Variants in NMNAT2 observed in about 807,000 individuals in gnomAD.
NMNAT2 encodes nicotinamide nucleotide adenylyltransferase 2, also known as nicotinamide/nicotinic acid mononucleotide adenylyltransferase 2.
A neutral mutation model predicts 41.6 loss-of-function variants in NMNAT2; 11 were observed. That is an observed-to-expected ratio of 0.26 (90% CI 0.17 to 0.44). NMNAT2 has a LOEUF of 0.44. Among genes scored for constraint, NMNAT2 ranks in the 20% least tolerant of loss-of-function variants. The probability of loss-of-function intolerance (pLI) is 1.00; values close to 1 mark genes in which losing one functional copy is unlikely to be tolerated. For missense variants in NMNAT2, 288 were observed against 407.7 expected, an observed-to-expected ratio of 0.71 and a Z score of 2.53; for synonymous variants, 148 against 151.2, an observed-to-expected ratio of 0.98 and a Z score of 0.16.
intron 1 of NMNAT2, among the ~76,000 whole-genome samples, chr1:183,358,239 A>G (rs1663237838): frequency 1.3e-5 from 2 of 152,156 alleles, no homozygotes; most frequent in African/African-American, 4.8e-5. Context: ...GGACACATAG[A>G]GGGGAACGAC....
chr1:183,260,196 C>G (rs1660622189), intron 10 of NMNAT2, among the ~76,000 whole-genome samples: 1 of 152,178 alleles, frequency 6.6e-6, no homozygotes, highest in Non-Finnish European at 1.5e-5. Flanking sequence ...TCTGGGTCAC[C>G]TTAAAGACAA....
chr1:183,312,924 T>C (rs1008731233), intron 1 of NMNAT2, among the ~76,000 whole-genome samples: 6 of 152,206 alleles, frequency 3.9e-5, no homozygotes, highest in African/African-American at 1.4e-4. Flanking sequence ...TATTAGCTAC[T>C]ATTATCTCCT....
chr1:183,403,964 T>C (rs1415104057), intron 1 of NMNAT2, among the ~76,000 whole-genome samples: 4 of 152,174 alleles, frequency 2.6e-5, no homozygotes, highest in African/African-American at 4.8e-5. Context: ...TTTTCTCCTT[T>C]TGTGAAGAAA....
At chr1:183,347,097 T>G (rs1168211864) in intron 1 of NMNAT2, among the ~76,000 whole-genome samples, 2 of 152,172 alleles carry the variant, frequency 1.3e-5, no homozygotes, top group Non-Finnish European at 2.9e-5. Context: ...CTTTCTTCTG[T>G]GAGTATTCCA....
intron 1 of NMNAT2, among the ~76,000 whole-genome samples, chr1:183,378,429 C>T (rs578041269): frequency 1.1e-3 from 167 of 151,084 alleles, no homozygotes; most frequent in African/African-American, 3.8e-3. Context: ...GTGGTGCACA[C>T]CTATAATCCC....
intron 4 of NMNAT2, among the ~76,000 whole-genome samples, chr1:183,288,215 A>C (rs995603946): frequency 2.0e-5 from 3 of 152,180 alleles, no homozygotes; most frequent in Non-Finnish European, 2.9e-5. Flanking sequence ...GGCTGGCTGC[A>C]TTCCCCGATC....
intron 1 of NMNAT2, among the ~76,000 whole-genome samples, chr1:183,401,546 C>T (rs913402739): frequency 2.0e-5 from 3 of 152,126 alleles, no homozygotes; most frequent in African/African-American, 7.2e-5. Flanking sequence ...ACCATTTGAC[C>T]CAGCCATCCC....
chr1:183,263,528 A>G (rs974697029), intron 8 of NMNAT2, among the ~76,000 whole-genome samples: 1 of 152,196 alleles, frequency 6.6e-6, no homozygotes, highest in African/African-American at 2.4e-5. Flanking sequence ...CAATTAAACC[A>G]GAATCTCGGG....
At chr1:183,341,454 G>T (rs1456106066) in intron 1 of NMNAT2, among the ~76,000 whole-genome samples, 3 of 148,304 alleles carry the variant, frequency 2.0e-5, no homozygotes, top group African/African-American at 7.5e-5. Context: ...AAGGCAGGTG[G>T]ATCGCTTGAG....
In NMNAT2 at chr1:183,290,129, T is replaced by G; in HGVS notation, c.320A>C (p.Lys107Thr). 2 of 1,574,240 alleles carry G rather than the reference T, an allele frequency of 1.3e-6. No individual in the cohort carries two copies. The highest frequency in any genetic ancestry group is 2.3e-5 in the East Asian group (1 of 43,042). The change falls in exon 4 of 11, where the codon AAG becomes ACG. Residue 107 changes from lysine (K) to threonine (T), a missense_variant and splice_region_variant. Lys to Thr is a moderately conservative substitution (Grantham distance 78). Around this residue, in one of 3 missense-constraint regions of NMNAT2, gnomAD observed 100 missense variants for 168.5 expected, o/e 0.59. Coordinates refer to ENST00000287713, the MANE Select transcript of NMNAT2 (RefSeq NM_015039.4). ...SVLEHHRDLM[K>T]RVTGCILSNV... ...ATCCCCAGGCTTGGCCCAGCTCACC[T>G]TCATGAGGTCCCGGTGGTGTTCCAA...
In NMNAT2 at chr1:183,389,845, GAAAAAAGAGAAAGAAAGAAAGAAAGA is replaced by G. The variant is rs1557897827; in HGVS notation, c.85+28312_85+28337del. ...GAAAGAAAGAAAGAAAGAAAGAAAG[GAAAAAAGAGAAAGAAAGAAAGAAAGA>G]AGGGAGGGAGGGAGGGAGGGAGGGA... On this transcript the variant is annotated intron_variant, in intron 1 of 10. Transcript: ENST00000287713. Among the ~76,000 whole-genome samples the G allele has an allele frequency of 3.5e-3, 152 of 43,916 alleles. 16 individuals are homozygous for G. The highest frequency in any genetic ancestry group is 9.9e-3 in the East Asian group (6 of 604). 28.8% of individuals were successfully genotyped at this position (43,916 alleles called of 152,430 possible).
chr1:183,371,057 C>G (rs1363751810), intron 1 of NMNAT2, among the ~76,000 whole-genome samples: 1 of 152,078 alleles, frequency 6.6e-6, no homozygotes, highest in Non-Finnish European at 1.5e-5. Flanking sequence ...GAATGGATTC[C>G]CCCACACCTC....
chr1:183,409,895 G>A (rs77014562), intron 1 of NMNAT2, among the ~76,000 whole-genome samples: 4 of 152,102 alleles, frequency 2.6e-5, no homozygotes, highest in Admixed American at 1.3e-4. Context: ...CTATCAGGGG[G>A]GTGAATTTTT....
Position 183,399,226 on chromosome 1 carries a change from G to A in NMNAT2, c.85+18957C>T, listed in dbSNP as rs373087489. On this transcript the variant is annotated intron_variant, in intron 1 of 10. Transcript: ENST00000287713. ...CAGACGCAATAAAAAATGATAAAGG[G>A]GATATCACCACCAATCCCACGGAAA... Among the ~76,000 whole-genome samples, 6 of 131,200 alleles carry A rather than the reference G, an allele frequency of 4.6e-5. No individual in the cohort carries two copies. The East Asian group carries it at 7.9e-4, about 17-fold the overall frequency. The allele number at this position is 131,200 out of a possible 152,430, so 86.1% of individuals were successfully genotyped here. A position where few individuals can be genotyped will look rare whatever the true frequency, so the allele number is the denominator to read the frequency against.
At chr1:183,362,924 C>T (rs1663335213) in intron 1 of NMNAT2, among the ~76,000 whole-genome samples, 3 of 152,150 alleles carry the variant, frequency 2.0e-5, no homozygotes, top group Admixed American at 6.5e-5. Flanking sequence ...TGTTGATACT[C>T]ATACAATTTC....
intron 1 of NMNAT2, among the ~76,000 whole-genome samples, chr1:183,306,174 AC>A (rs11367452): frequency 0.5 from 75,157 of 151,702 alleles, 18,523 homozygotes; most frequent in South Asian, 0.58. Flanking sequence ...GTCCTGGGAG[AC>A]CTTAGTCCCC....
intron 1 of NMNAT2, among the ~76,000 whole-genome samples, chr1:183,315,716 G>T (rs1662232476): frequency 1.3e-5 from 2 of 151,314 alleles, no homozygotes; most frequent in African/African-American, 4.9e-5. Context: ...GGGAGGCCGA[G>T]GTTGCAGTGA....
chr1:183,409,652 G>C (rs529767875), intron 1 of NMNAT2, among the ~76,000 whole-genome samples: 30 of 152,274 alleles, frequency 2.0e-4, no homozygotes, highest in African/African-American at 7.2e-4. Flanking sequence ...AATAGGTCTT[G>C]ATCAAGACCT....
At chr1:183,259,891 G>A (rs896593672) in intron 10 of NMNAT2, among the ~76,000 whole-genome samples, 1 of 152,230 alleles carries the variant, frequency 6.6e-6, no homozygotes, top group Middle Eastern at 3.4e-3. Flanking sequence ...GAGCCACTGC[G>A]CCCGGCCTGT....
Sources: allele counts gnomAD v4.1 joint callset (sites outside exome capture counted in the v4.1 genomes callset), GRCh38; gene constraint gnomAD v4.1.1; regional missense constraint gnomAD v4.1.1; transcripts MANE v1.5; gene names NCBI Gene and HGNC (gene_info 2026-07-23, HGNC 2026-07-21).